Variants in CMC1 observed in about 807,000 individuals in gnomAD.
The protein encoded by CMC1 is COX assembly mitochondrial protein homolog.
Under a neutral mutation model 14.1 loss-of-function variants are expected in CMC1, and 14 were observed. The observed-to-expected ratio is 0.99, with a 90% CI of 0.66 to 1.55. The LOEUF (loss-of-function observed/expected upper bound fraction) is 1.55. Ranked by LOEUF, CMC1 falls within the 40% of genes most tolerant of loss-of-function variation. CMC1 has a pLI of 0.00. For missense variants in CMC1, 127 were observed against 123.8 expected, an observed-to-expected ratio of 1.03 and a Z score of -0.12; for synonymous variants, 50 against 38.4, an observed-to-expected ratio of 1.30 and a Z score of -1.12.
Position 28,319,575 on chromosome 3 carries a change from A to G in CMC1, c.267A>G (p.Arg89=), listed in dbSNP as rs1703117079. The part of the protein sequence containing the change: ...MEYLKEREEF[R]KTGIPTKKRL... ...ACCTGAAGGAAAGGGAAGAATTCAG[A>G]AAAACTGGAATTCCTACAAAGAAAA... Residue 89 remains arginine (R), a synonymous_variant, in exon 4 of 4, where the codon AGA becomes AGG. Transcript: ENST00000466830. 2 of 1,609,280 alleles carry G rather than the reference A, an allele frequency of 1.2e-6. No individual in the cohort carries two copies. The highest frequency in any genetic ancestry group is 1.1e-5 in the South Asian group (1 of 90,766).
At chr3:28,285,462 G>A (rs1467199185) in intron 2 of CMC1, among the ~76,000 whole-genome samples, 1 of 151,956 alleles carries the variant, frequency 6.6e-6, no homozygotes, top group East Asian at 1.9e-4. Context: ...ACGTATAAGT[G>A]GAAGCTAAGT....
intron 2 of CMC1, among the ~76,000 whole-genome samples, chr3:28,282,872 A>C (rs1700969839): frequency 1.3e-5 from 2 of 152,196 alleles, no homozygotes; most frequent in Non-Finnish European, 2.9e-5. Context: ...ATTATTAGAT[A>C]TCTTTCCTTA....
intron 2 of CMC1, among the ~76,000 whole-genome samples, chr3:28,275,324 G>GTTTTTTTTTTTTTT (rs1559416008): frequency 9.2e-6 from 1 of 108,456 alleles, no homozygotes; most frequent in Non-Finnish European, 2.1e-5. Flanking sequence ...ACTGTTAGTT[G>GTTTTTTTTTTTTTT]TTTGTTTTTT....
intron 2 of CMC1, among the ~76,000 whole-genome samples, chr3:28,301,578 A>G (rs1017172259): frequency 4.6e-5 from 7 of 152,042 alleles, no homozygotes; most frequent in African/African-American, 1.7e-4. Flanking sequence ...AATTGCATGA[A>G]AAATTCTACT....
chr3:28,288,792 A>AT (rs981446942), intron 2 of CMC1, among the ~76,000 whole-genome samples: 3 of 151,572 alleles, frequency 2.0e-5, no homozygotes, highest in Non-Finnish European at 4.4e-5. Flanking sequence ...ACTGACTAAT[A>AT]TTTTTTATAA....
chr3:28,275,342 T>TTTTTTTTTTTTTTTTTC, intron 2 of CMC1, among the ~76,000 whole-genome samples: 1 of 82,318 alleles, frequency 1.2e-5, no homozygotes, highest in Non-Finnish European at 3.1e-5. Flanking sequence ...TTTTTTTTTC[T>TTTTTTTTTTTTTTTTTC]TTTTTTTTTT....
chr3:28,266,961 T>G (rs1167573913), intron 2 of CMC1, among the ~76,000 whole-genome samples: 1 of 152,136 alleles, frequency 6.6e-6, no homozygotes, highest in Non-Finnish European at 1.5e-5. Context: ...CCAAATCGCT[T>G]TCTTACTTCC....
intron 2 of CMC1, among the ~76,000 whole-genome samples, chr3:28,303,029 A>T (rs1233740326): frequency 1.3e-5 from 2 of 152,200 alleles, no homozygotes; most frequent in African/African-American, 4.8e-5. Flanking sequence ...CTAATCTTGG[A>T]AATATGATGT....
intron 2 of CMC1, among the ~76,000 whole-genome samples, chr3:28,286,878 T>C (rs1701211448): frequency 6.6e-6 from 1 of 151,820 alleles, no homozygotes; most frequent in South Asian, 2.1e-4. Flanking sequence ...GAGCCTATTT[T>C]TCATTTTCTG....
chr3:28,297,930 A>G (rs904463409), intron 2 of CMC1, among the ~76,000 whole-genome samples: 3 of 151,796 alleles, frequency 2.0e-5, no homozygotes, highest in African/African-American at 7.2e-5. Context: ...ATATATAAAG[A>G]TAGATACATT....
chr3:28,314,734 A>T (rs1477746635), intron 2 of CMC1, among the ~76,000 whole-genome samples: 2 of 152,170 alleles, frequency 1.3e-5, no homozygotes, highest in African/African-American at 4.8e-5. Flanking sequence ...ACAGGTATCT[A>T]TGCTATAGGG....
chr3:28,289,419 C>T (rs1357897290), intron 2 of CMC1, among the ~76,000 whole-genome samples: 3 of 151,704 alleles, frequency 2.0e-5, no homozygotes, highest in African/African-American at 7.2e-5. Flanking sequence ...ATATAAAAGC[C>T]GAGTATAACA....
At chr3:28,290,437 C>T (rs182907797) in intron 2 of CMC1, among the ~76,000 whole-genome samples, 1 of 152,182 alleles carries the variant, frequency 6.6e-6, no homozygotes, top group East Asian at 1.9e-4. Flanking sequence ...CACATTGCAT[C>T]AGTATTTTAT....
intron 2 of CMC1, among the ~76,000 whole-genome samples, chr3:28,294,700 A>G (rs1701651727): frequency 6.6e-6 from 1 of 152,144 alleles, no homozygotes; most frequent in African/African-American, 2.4e-5. Flanking sequence ...AATTAAAAAA[A>G]TCTTTTTAAC....
At chr3:28,252,395 G>A (rs746696399) in intron 1 of CMC1, among the ~76,000 whole-genome samples, 2 of 152,148 alleles carry the variant, frequency 1.3e-5, no homozygotes, top group East Asian at 1.9e-4. Flanking sequence ...TTTTGTAAGC[G>A]TTTGAGCTTA....
At chr3:28,249,441 A>C (rs1342203276) in intron 1 of CMC1, among the ~76,000 whole-genome samples, 1 of 152,244 alleles carries the variant, frequency 6.6e-6, no homozygotes, top group Non-Finnish European at 1.5e-5. Context: ...ATTTTATTGC[A>C]TATTTACCAT....
At chr3:28,246,798 ATTTTTTTTTTTT>A (rs770788764) in intron 1 of CMC1, among the ~76,000 whole-genome samples, 5 of 121,470 alleles carry the variant, frequency 4.1e-5, no homozygotes, top group Non-Finnish European at 7.0e-5. Flanking sequence ...GGGTCCATTG[ATTTTTTTTTTTT>A]TTTTTTTTAC....
At position 28,322,537 on chromosome 3, in the gene CMC1, C is replaced by T. The variant is rs1703217939; in HGVS notation, c.*2908C>T. On this transcript the variant is annotated 3_prime_UTR_variant, in exon 4 of 4. Coordinates refer to ENST00000466830, the MANE Select transcript of CMC1 (RefSeq NM_182523.2). ...CAGATATAATATACAGCCTATGCAG[C>T]CACATGAGAAATAGTTTTTGCTGCT... 6.6e-6 allele frequency: 1 copy of T among 151,522 alleles called. No homozygotes were observed. The highest frequency in any genetic ancestry group is 1.5e-5 in the Non-Finnish European group (1 of 67,362). 9.4% of individuals were successfully genotyped at this position (151,522 alleles called of 1,614,324 possible).
chr3:28,263,973 CAGTGATT>C (rs1699865090), intron 2 of CMC1, among the ~76,000 whole-genome samples: 1 of 151,958 alleles, frequency 6.6e-6, no homozygotes, highest in Non-Finnish European at 1.5e-5. Context: ...CTAGAGACAT[CAGTGATT>C]AATATGTAAT....
Sources: allele counts gnomAD v4.1 joint callset (sites outside exome capture counted in the v4.1 genomes callset), GRCh38; gene constraint gnomAD v4.1.1; transcripts MANE v1.5; gene names NCBI Gene and HGNC (gene_info 2026-07-23, HGNC 2026-07-21).